The following TMEM161A variants were observed in gnomAD, a reference collection of about 807,000 sequenced individuals.
The protein encoded by TMEM161A is transmembrane protein 161A, also known as adaptive response to oxidative stress protein 29.
TMEM161A carries 46 observed loss-of-function variants against 57.1 expected under a neutral mutation model. The observed-to-expected ratio is 0.81, with a 90% CI of 0.64 to 1.03. The LOEUF is 1.03. Among genes scored for constraint, TMEM161A ranks in the 50% least tolerant of loss-of-function variants. The probability of loss-of-function intolerance (pLI) is 0.00; values close to 1 mark genes in which losing one functional copy is unlikely to be tolerated. For missense variants in TMEM161A, 601 were observed against 621.5 expected (o/e 0.97, Z 0.35); for synonymous variants, 288 against 279.0 (o/e 1.03, Z -0.32).
At chr19:19,128,531 A>AC (rs2059942234) in intron 6 of TMEM161A, among the ~76,000 whole-genome samples, 1 of 140,348 alleles carries the variant, frequency 7.1e-6, no homozygotes, top group African/African-American at 2.7e-5. Context: ...CACCTGGCCT[A>AC]CATTTTTTTT....
Position 19,132,062 on chromosome 19 carries a change from A to C in TMEM161A, c.443+290T>G, listed in dbSNP as rs1246130589. ...AAACAAGGAGAATGTGGTAGAAAGA[A>C]TAGGGATGGGGTGGGTGACTTTGGG... On this transcript the variant is annotated intron_variant, in intron 5 of 11. Coordinates refer to ENST00000162044, the MANE Select transcript of TMEM161A (RefSeq NM_017814.3). The surrounding 1 kb of genome is among the most constrained non-coding windows in gnomAD (Gnocchi z 4.3). 6.6e-6 allele frequency among the ~76,000 whole-genome samples: 1 copy of C among 152,168 alleles called. No homozygotes were observed. The highest frequency in any genetic ancestry group is 1.5e-5 in the Non-Finnish European group (1 of 68,040).
chr19:19,120,816 G>A lies in TMEM161A; in HGVS notation c.1135C>T (p.Leu379=), dbSNP rs759504285. The change falls in exon 11 of 12, where the codon CTG becomes TTG. Residue 379 remains leucine (L), a synonymous_variant. Transcript: ENST00000162044. ...TTGAGGGTGAGGATGAGCGGCGTCA[G>A]GTACTGCAAGCTCACCACGGTCACA... ...CYVTVVSLQY[L]TPLILTLNCT... is the part of the protein sequence containing the mutation. 5.6e-6 allele frequency: 9 copies of A among 1,613,486 alleles called. No individual in the cohort carries two copies. Among genetic ancestry groups the A allele is most frequent in the Non-Finnish European group, 7.6e-6 (9 of 1,180,020 alleles).
rs1568533859 is a variant in TMEM161A, at chr19:19,121,852, G to GA, written c.596-34dup. The GA allele has an allele frequency of 6.2e-7, 1 of 1,611,514 alleles. No individual in the cohort carries two copies. Among genetic ancestry groups the GA allele is most frequent in the South Asian group, 1.1e-5 (1 of 90,958 alleles). On this transcript the variant is annotated intron_variant, in intron 6 of 11. Coordinates refer to ENST00000162044, the MANE Select transcript of TMEM161A (RefSeq NM_017814.3). The surrounding 1 kb of genome is among the most constrained non-coding windows in gnomAD (Gnocchi z 5.8). Reference sequence around the variant, plus strand: ...CGATAAGAAGAGGACCGAGTAGAGTGAATTCCTAGGGTCTCTAAGGCCACT... The same window carrying GA: ...CGATAAGAAGAGGACCGAGTAGAGTGAAATTCCTAGGGTCTCTAAGGCCACT...
Position 19,129,474 on chromosome 19 carries a change from G to A in TMEM161A, c.595+682C>T, listed in dbSNP as rs547697536. On this transcript the variant is annotated intron_variant, in intron 6 of 11. Coordinates refer to ENST00000162044, the MANE Select transcript of TMEM161A (RefSeq NM_017814.3). ...AAGGATCATTTAAGAGGCCAGGCAC[G>A]GTGGCTCACACCTGTAATAACAACA... Among the ~76,000 whole-genome samples, 14 of 152,158 alleles carry A rather than the reference G, an allele frequency of 9.2e-5. No homozygotes were observed. The East Asian group carries it at 1.2e-3, about 13-fold the overall frequency.
Position 19,119,191 on chromosome 19 carries a change from C to A in TMEM161A, c.*739G>T, listed in dbSNP as rs1469416200. 1 of 146,564 alleles carries A rather than the reference C, an allele frequency of 6.8e-6. No individual in the cohort carries two copies. The highest frequency in any genetic ancestry group is 1.5e-5 in the Non-Finnish European group (1 of 67,172). 9.1% of individuals were successfully genotyped at this position (146,564 alleles called of 1,614,324 possible). A position where few individuals can be genotyped will look rare whatever the true frequency, so the allele number is the denominator to read the frequency against. On this transcript the variant is annotated 3_prime_UTR_variant, in exon 12 of 12. Transcript: ENST00000162044. Reference sequence around the variant, plus strand: ...TTTGAGACAGAGTTTCACTCTGTCACCCAGGCTGGAGTGTGATGCGATCTC... The same window carrying A: ...TTTGAGACAGAGTTTCACTCTGTCAACCAGGCTGGAGTGTGATGCGATCTC...
In TMEM161A at chr19:19,138,440, G is replaced by A. The variant is rs1367671062; in HGVS notation, c.-12C>T. 1 of 1,601,922 alleles carries A rather than the reference G, an allele frequency of 6.2e-7. No homozygotes were observed. The highest frequency in any genetic ancestry group is 8.5e-7 in the Non-Finnish European group (1 of 1,174,522). On this transcript the variant is annotated 5_prime_UTR_variant, in exon 1 of 12. Coordinates refer to ENST00000162044, the MANE Select transcript of TMEM161A (RefSeq NM_017814.3). ...CGCTCGCTCACCATGACGCGTGCGA[G>A]AACGCGGTGCACTCACCCACCGGCC...
Position 19,121,010 on chromosome 19 carries a change from G to C in TMEM161A, c.1071C>G (p.Ala357=). Residue 357 remains alanine, a synonymous_variant, in exon 10 of 12, where the codon GCC becomes GCG. Transcript: ENST00000162044. The surrounding 1 kb of genome is among the most constrained non-coding windows in gnomAD (Gnocchi z 5.8). ...QLRREAGRIE[A]REIQQRVVRV... ...TCCATACCCTCTGCTGGATTTCACG[G>C]GCTTCGATGCGGCCAGCCTCCCTTC... The C allele has an allele frequency of 1.2e-6, 2 of 1,607,888 alleles. No homozygotes were observed. The highest frequency in any genetic ancestry group is 8.5e-7 in the Non-Finnish European group (1 of 1,176,724).
chr19:19,131,490 A>G (rs1329069919), intron 5 of TMEM161A, among the ~76,000 whole-genome samples: 1 of 103,774 alleles, frequency 9.6e-6, no homozygotes, highest in Non-Finnish European at 1.9e-5. Flanking sequence ...ATACACACAC[A>G]CACATATATA....
At position 19,132,861 on chromosome 19, in the gene TMEM161A, C is replaced by T; in HGVS notation, c.189-107G>A. The T allele has an allele frequency of 1.0e-6, 1 of 965,630 alleles. No homozygotes were observed. Among genetic ancestry groups the T allele is most frequent in the East Asian group, 2.7e-5 (1 of 37,682 alleles). 59.8% of individuals were successfully genotyped at this position (965,630 alleles called of 1,614,324 possible). ...GCCTGGAGACCATCTCTTTCCACAA[C>T]CTTGGCTCCTCTGCACACTGGGATA... On this transcript the variant is annotated intron_variant, in intron 3 of 11. Coordinates refer to ENST00000162044, the MANE Select transcript of TMEM161A (RefSeq NM_017814.3). This position sits in a 1 kb window ranked among gnomAD's most constrained non-coding sequence, Gnocchi z 4.3.
chr19:19,135,742 A>G (rs542723603), intron 1 of TMEM161A, among the ~76,000 whole-genome samples: 1 of 152,066 alleles, frequency 6.6e-6, no homozygotes, highest in Non-Finnish European at 1.5e-5. Context: ...ATACCCAACT[A>G]ATTTTTGTCT....
chr19:19,129,946 C>G (rs1401442671), intron 6 of TMEM161A, among the ~76,000 whole-genome samples: 3 of 152,060 alleles, frequency 2.0e-5, no homozygotes, highest in Non-Finnish European at 1.5e-5. Context: ...CATGAGTGTC[C>G]ATCAGAGACA....
intron 5 of TMEM161A, among the ~76,000 whole-genome samples, chr19:19,131,391 GA>G (rs1381958018): frequency 5.3e-5 from 8 of 152,038 alleles, no homozygotes; most frequent in Non-Finnish European, 8.8e-5. Flanking sequence ...CAAGGCAGGA[GA>G]ATCACTTGAA....
At chr19:19,135,683 T>G (rs577957662) in intron 1 of TMEM161A, among the ~76,000 whole-genome samples, 2 of 152,022 alleles carry the variant, frequency 1.3e-5, no homozygotes, top group East Asian at 3.9e-4. Context: ...CTCAAGTGAT[T>G]CTCCCACATC....
rs201530872 is a variant in TMEM161A, at chr19:19,133,204, G to C, written c.114C>G (p.Phe38Leu). The C allele has an allele frequency of 9.9e-6, 16 of 1,614,158 alleles. No homozygotes were observed. Among genetic ancestry groups the C allele is most frequent in the East Asian group, 6.7e-5 (3 of 44,884 alleles). ...ARWLLCNGSL[F>L]RYKHPSEEEL... Reference sequence around the variant, plus strand: ...CCTCCTCAGACGGGTGCTTGTATCGGAACAAACTGAGAGCAAGGACGGGCA... The same window carrying C: ...CCTCCTCAGACGGGTGCTTGTATCGCAACAAACTGAGAGCAAGGACGGGCA... Residue 38 changes from phenylalanine (F) to leucine (L), a missense_variant, in exon 3 of 12, where the codon TTC becomes TTG. Phe to Leu is a conservative substitution (Grantham distance 22, BLOSUM62 0). Transcript: ENST00000162044.
At chr19:19,130,126 C>T (rs776282268) in intron 6 of TMEM161A, 30 bp downstream of exon 6, 13 of 1,609,528 alleles carry the variant, frequency 8.1e-6, no homozygotes, top group East Asian at 6.7e-5. Flanking sequence ...GTGACAGCTG[C>T]GGTGGCCCCA....
intron 2 of TMEM161A, among the ~76,000 whole-genome samples, chr19:19,133,941 T>A (rs1339074947): frequency 2.6e-5 from 4 of 152,152 alleles, no homozygotes; most frequent in Non-Finnish European, 5.9e-5. Flanking sequence ...GGCTAATTTT[T>A]AAAATATTTT....
chr19:19,136,764 G>C (rs934489291), intron 1 of TMEM161A, among the ~76,000 whole-genome samples: 2 of 152,074 alleles, frequency 1.3e-5, no homozygotes, highest in Non-Finnish European at 2.9e-5. Context: ...TCTTTTTTCA[G>C]TAATGAGGTT....
Position 19,138,429 on chromosome 19 carries a change from G to T in TMEM161A, c.-1C>A, listed in dbSNP as rs10417318. 2 of 1,603,088 alleles carry T rather than the reference G, an allele frequency of 1.2e-6. No homozygotes were observed. Among genetic ancestry groups the T allele is most frequent in the Non-Finnish European group, 1.7e-6 (2 of 1,174,956 alleles). On this transcript the variant is annotated 5_prime_UTR_variant, in exon 1 of 12. Transcript: ENST00000162044. ...ACTTCGCGGGACGCTCGCTCACCAT[G>T]ACGCGTGCGAGAACGCGGTGCACTC... is the stretch of plus-strand genomic sequence containing the variant.
rs766222832 is a variant in TMEM161A, at chr19:19,132,170, G to A, written c.443+182C>T. ...TGGAGTGGAGATGAACCGACCTGCT[G>A]AGCCCAGCCCAGTCTGTCCACCCAC... On this transcript the variant is annotated intron_variant, in intron 5 of 11. Transcript: ENST00000162044. This position sits in a 1 kb window ranked among gnomAD's most constrained non-coding sequence, Gnocchi z 4.3. Among the ~76,000 whole-genome samples the A allele has an allele frequency of 6.6e-6, 1 of 152,162 alleles. No individual in the cohort carries two copies. Among genetic ancestry groups the A allele is most frequent in the Non-Finnish European group, 1.5e-5 (1 of 68,038 alleles).
Sources: gnomAD v4.1 joint callset for allele counts (sites outside exome capture counted in the v4.1 genomes callset) on GRCh38, gnomAD v4.1.1 for gene constraint, Gnocchi (gnomAD v3.1) non-coding constraint, MANE v1.5 for transcripts, NCBI Gene and HGNC (gene_info 2026-07-23, HGNC 2026-07-21) for gene names.